Variants in SCN2B observed in about 807,000 individuals in gnomAD.
SCN2B encodes the protein sodium voltage-gated channel beta subunit 2, also known as sodium channel regulatory subunit beta-2.
A neutral mutation model predicts 18.2 loss-of-function variants in SCN2B; 14 were observed. The ratio of observed to expected loss-of-function variants is 0.77; its 90% CI spans 0.51 to 1.21. The LOEUF is 1.21. Ranked by LOEUF, SCN2B falls within the 50% of genes most tolerant of loss-of-function variation. The pLI, the probability that SCN2B is intolerant of heterozygous loss-of-function variation, is 0.00. For missense variants in SCN2B, 262 were observed against 286.9 expected (o/e 0.91, Z 0.63); for synonymous variants, 115 against 115.3 (o/e 1.00, Z 0.02).
chr11:118,173,742 C>T lies in SCN2B; in HGVS notation c.70+2620G>A, dbSNP rs144643883. On this transcript the variant is annotated intron_variant, in intron 1 of 3. Transcript: ENST00000278947. ...CCCTCTAGAGGCTCCGGGGAACTGACTCCTATTCATCTTGGTATCCCTGGC... is the reference window on the plus strand; with the variant it reads ...CCCTCTAGAGGCTCCGGGGAACTGATTCCTATTCATCTTGGTATCCCTGGC... Among the ~76,000 whole-genome samples, 21 of 152,260 alleles carry T rather than the reference C, an allele frequency of 1.4e-4. No individual in the cohort carries two copies. In the East Asian group the frequency reaches 3.1e-3, roughly 22 times the overall value.
At position 118,168,819 on chromosome 11, in the gene SCN2B, G is replaced by C; in HGVS notation, c.71-68C>G. On this transcript the variant is annotated intron_variant, in intron 1 of 3. Transcript: ENST00000278947. The surrounding 1 kb of genome is among the most constrained non-coding windows in gnomAD (Gnocchi z 4.7). Reference sequence around the variant, plus strand: ...GGCTGGGGAGGGGCAAGCCCTCTGTGCCTGGGAGTGTTGGGGGATGAGGCA... The same window carrying C: ...GGCTGGGGAGGGGCAAGCCCTCTGTCCCTGGGAGTGTTGGGGGATGAGGCA... 6.4e-7 allele frequency: 1 copy of C among 1,572,528 alleles called. No homozygotes were observed. The highest frequency in any genetic ancestry group is 8.7e-7 in the Non-Finnish European group (1 of 1,143,988).
At chr11:118,170,680 C>A (rs1389687354) in intron 1 of SCN2B, among the ~76,000 whole-genome samples, 1 of 152,182 alleles carries the variant, frequency 6.6e-6, no homozygotes, top group Non-Finnish European at 1.5e-5. Flanking sequence ...TCAATCCCAG[C>A]TCCAGCATCA....
At chr11:118,174,107 T>TTTTG (rs1948451316) in intron 1 of SCN2B, among the ~76,000 whole-genome samples, 2 of 131,060 alleles carry the variant, frequency 1.5e-5, no homozygotes, top group African/African-American at 3.0e-5. Context: ...TTTTTTTTTT[T>TTTTG]TTTTTTTTTT....
intron 1 of SCN2B, among the ~76,000 whole-genome samples, chr11:118,170,218 T>C (rs144511511): frequency 0.012 from 1,840 of 152,272 alleles, 20 homozygotes; most frequent in Admixed American, 0.019. Flanking sequence ...AAAAAAATCA[T>C]GGAGTTGTAG....
At chr11:118,174,327 T>G (rs1228382105) in intron 1 of SCN2B, among the ~76,000 whole-genome samples, 3 of 151,988 alleles carry the variant, frequency 2.0e-5, no homozygotes, top group African/African-American at 7.3e-5. Context: ...CAAGAAAAAC[T>G]TGAGGGAAGC....
chr11:118,167,993 G>A (rs1948398153), intron 3 of SCN2B, 92 bp downstream of exon 3: 6 of 1,032,600 alleles, frequency 5.8e-6, no homozygotes, highest in Non-Finnish European at 8.9e-6. Context: ...CCTCAGGAGG[G>A]CCTGGCCTCC....
At chr11:118,169,250 C>T (rs1948411238) in intron 1 of SCN2B, among the ~76,000 whole-genome samples, 1 of 152,168 alleles carries the variant, frequency 6.6e-6, no homozygotes, top group Non-Finnish European at 1.5e-5. Context: ...GGCCTCAAGC[C>T]TTTTCTAGAA....
chr11:118,169,259 A>C (rs1257413833), intron 1 of SCN2B, among the ~76,000 whole-genome samples: 1 of 152,108 alleles, frequency 6.6e-6, no homozygotes. Flanking sequence ...CCTTTTCTAG[A>C]ACCACTGTTA....
At chr11:118,174,100 T>TTTTTG in intron 1 of SCN2B, among the ~76,000 whole-genome samples, 1 of 125,292 alleles carries the variant, frequency 8.0e-6, no homozygotes, top group African/African-American at 3.2e-5. Flanking sequence ...TCTTTTTTTT[T>TTTTTG]TTTTTTTTTT....
At chr11:118,170,858 G>A (rs558868749) in intron 1 of SCN2B, among the ~76,000 whole-genome samples, 2 of 152,206 alleles carry the variant, frequency 1.3e-5, no homozygotes, top group Non-Finnish European at 2.9e-5. Context: ...GGCTTCTAGG[G>A]GAGCCTCTGG....
At position 118,166,534 on chromosome 11, in the gene SCN2B, G is replaced by A. The variant is rs1341241427; in HGVS notation, c.*353C>T. ...CTCTCTGAAGCCACTGCCAGGCCAA[G>A]CACTGGGCAGGTGGACAGCGGCCCC... is the stretch of plus-strand genomic sequence containing the variant. On this transcript the variant is annotated 3_prime_UTR_variant, in exon 4 of 4. Transcript: ENST00000278947. The A allele has an allele frequency of 5.4e-6, 2 of 372,216 alleles. No homozygotes were observed. The highest frequency in any genetic ancestry group is 1.0e-5 in the Non-Finnish European group (2 of 194,116). The allele number at this position is 372,216 out of a possible 1,614,324, so 23.1% of individuals were successfully genotyped here.
At chr11:118,171,243 T>C (rs759218297) in intron 1 of SCN2B, among the ~76,000 whole-genome samples, 1 of 152,138 alleles carries the variant, frequency 6.6e-6, no homozygotes, top group African/African-American at 2.4e-5. Context: ...TGAGCTTAAG[T>C]GCTCATTAGG....
intron 1 of SCN2B, among the ~76,000 whole-genome samples, chr11:118,176,027 C>T (rs1291763801): frequency 6.6e-6 from 1 of 152,124 alleles, no homozygotes; most frequent in Non-Finnish European, 1.5e-5. Context: ...GCAGCAACTC[C>T]AAAAAATAAT....
intron 3 of SCN2B, 136 bp downstream of exon 3, chr11:118,167,949 A>T: frequency 1.4e-6 from 1 of 735,506 alleles, no homozygotes. Flanking sequence ...AAGAAAATGG[A>T]TTCCTTCTAT....
At chr11:118,167,481 A>T (rs1426767304) in intron 3 of SCN2B, among the ~76,000 whole-genome samples, 1 of 152,232 alleles carries the variant, frequency 6.6e-6, no homozygotes, top group African/African-American at 2.4e-5. Flanking sequence ...GATAATGCAT[A>T]AACAGAGCTT....
At chr11:118,173,228 C>T (rs1418520499) in intron 1 of SCN2B, among the ~76,000 whole-genome samples, 1 of 152,190 alleles carries the variant, frequency 6.6e-6, no homozygotes, top group Non-Finnish European at 1.5e-5. Flanking sequence ...CCCCATCCCC[C>T]CAGGTCTCCT....
intron 1 of SCN2B, among the ~76,000 whole-genome samples, chr11:118,172,893 T>G (rs997261019): frequency 1.2e-4 from 1 of 8,220 alleles, no homozygotes; most frequent in Non-Finnish European, 1.8e-4. Flanking sequence ...TTCTTCTTGG[T>G]TTTTTTTTTT....
chr11:118,170,053 A>G (rs1948418356), intron 1 of SCN2B, among the ~76,000 whole-genome samples: 1 of 152,234 alleles, frequency 6.6e-6, no homozygotes, highest in African/African-American at 2.4e-5. Flanking sequence ...AGTGTTCAGC[A>G]TCATTCATTC....
chr11:118,170,281 G>A (rs1323563559), intron 1 of SCN2B, among the ~76,000 whole-genome samples: 1 of 152,188 alleles, frequency 6.6e-6, no homozygotes, highest in Non-Finnish European at 1.5e-5. Flanking sequence ...GGTGGGCAGG[G>A]AAGACTGCTC....
Sources: gnomAD v4.1 joint callset for allele counts (sites outside exome capture counted in the v4.1 genomes callset) on GRCh38, gnomAD v4.1.1 for gene constraint, Gnocchi (gnomAD v3.1) non-coding constraint, MANE v1.5 for transcripts, NCBI Gene and HGNC (gene_info 2026-07-23, HGNC 2026-07-21) for gene names.